SHISA9: variants seen among roughly 807,000 people sequenced by gnomAD.
The protein encoded by SHISA9 is protein shisa-9.
A neutral mutation model predicts 38.0 loss-of-function variants in SHISA9; 13 were observed. The ratio of observed to expected loss-of-function variants is 0.34; its 90% CI spans 0.22 to 0.54. The LOEUF (loss-of-function observed/expected upper bound fraction) is 0.54. Ranked by LOEUF, SHISA9 falls within the 20% of genes least tolerant of loss-of-function variation. The pLI is 0.91. For missense variants in SHISA9, 538 were observed against 575.8 expected (o/e 0.93, Z 0.67); for synonymous variants, 275 against 242.0 (o/e 1.14, Z -1.27).
At chr16:13,250,527 A>G in the SHISA9 span, among the ~76,000 whole-genome samples, 1 of 152,146 alleles carries the variant, frequency 6.6e-6, no homozygotes, top group Non-Finnish European at 1.5e-5. Flanking sequence ...TCCATATGAT[A>G]TAGAGGTTGC....
At chr16:13,339,319 G>A in the SHISA9 span, among the ~76,000 whole-genome samples, 83 of 152,242 alleles carry the variant, frequency 5.5e-4, no homozygotes, top group Non-Finnish European at 1.0e-3. Flanking sequence ...CATGCAAGAA[G>A]CACTGAAATG....
intron 2 of SHISA9, among the ~76,000 whole-genome samples, chr16:13,151,589 T>C (rs907203753): frequency 3.3e-5 from 5 of 152,196 alleles, no homozygotes; most frequent in Admixed American, 3.3e-4. Context: ...AGTAACTATC[T>C]CTACTCTTGT....
At chr16:13,416,867 G>C in the SHISA9 span, among the ~76,000 whole-genome samples, 1 of 150,498 alleles carries the variant, frequency 6.6e-6, no homozygotes, top group Non-Finnish European at 1.5e-5. Flanking sequence ...AAGGGAGGGA[G>C]GGAAATGAAG....
the SHISA9 span, among the ~76,000 whole-genome samples, chr16:13,345,644 A>G: frequency 6.6e-6 from 1 of 152,148 alleles, no homozygotes; most frequent in Non-Finnish European, 1.5e-5. Context: ...GTCGAATAGT[A>G]TTTCTATCTT....
the SHISA9 span, among the ~76,000 whole-genome samples, chr16:13,558,630 C>A: frequency 6.6e-6 from 1 of 152,194 alleles, no homozygotes; most frequent in Non-Finnish European, 1.5e-5. Context: ...AACACTTATC[C>A]AACACATGTA....
At chr16:13,064,626 A>C (rs548293196) in intron 2 of SHISA9, among the ~76,000 whole-genome samples, 1 of 152,300 alleles carries the variant, frequency 6.6e-6, no homozygotes, top group East Asian at 1.9e-4. Context: ...CTAGTAGCCA[A>C]TAACGGAAGT....
intron 2 of SHISA9, among the ~76,000 whole-genome samples, chr16:12,958,129 A>G (rs2071861119): frequency 6.6e-6 from 1 of 152,208 alleles, no homozygotes; most frequent in African/African-American, 2.4e-5. Context: ...TTTTGCCCAA[A>G]TGGGCCCCGA....
intron 2 of SHISA9, among the ~76,000 whole-genome samples, chr16:13,031,584 G>A (rs1455816936): frequency 1.3e-5 from 2 of 152,128 alleles, no homozygotes; most frequent in South Asian, 2.1e-4. Context: ...TTCAGATGGA[G>A]CATGCCAGTA....
chr16:13,189,911 G>A (rs968010541), intron 2 of SHISA9, among the ~76,000 whole-genome samples: 2 of 152,112 alleles, frequency 1.3e-5, no homozygotes, highest in African/African-American at 4.8e-5. Flanking sequence ...AAGACTACAC[G>A]ATAGAAGGAA....
chr16:13,102,621 A>G (rs1435175151), intron 2 of SHISA9, among the ~76,000 whole-genome samples: 2 of 152,122 alleles, frequency 1.3e-5, no homozygotes, highest in Non-Finnish European at 2.9e-5. Context: ...CATTTCATCC[A>G]TGATGTCATA....
At chr16:13,255,240 C>T in the SHISA9 span, among the ~76,000 whole-genome samples, 1 of 151,990 alleles carries the variant, frequency 6.6e-6, no homozygotes. Flanking sequence ...AATTCTTCCC[C>T]TTTCTGTCTC....
the SHISA9 span, among the ~76,000 whole-genome samples, chr16:13,557,217 C>T: frequency 6.6e-6 from 1 of 152,208 alleles, no homozygotes; most frequent in South Asian, 2.1e-4. Context: ...GAATTCAAAT[C>T]TCTTGCACTC....
chr16:13,307,284 T>C, the SHISA9 span, among the ~76,000 whole-genome samples: 2 of 152,210 alleles, frequency 1.3e-5, no homozygotes, highest in African/African-American at 4.8e-5. Flanking sequence ...TAAATGTCAT[T>C]TATTTTTCAT....
chr16:13,181,681 A>G (rs776271323), intron 2 of SHISA9, among the ~76,000 whole-genome samples: 54 of 151,986 alleles, frequency 3.6e-4, no homozygotes, highest in Non-Finnish European at 7.4e-4. Flanking sequence ...ATGGATTGGA[A>G]GTGAGTGAGA....
the SHISA9 span, among the ~76,000 whole-genome samples, chr16:13,288,937 G>A: frequency 6.6e-6 from 1 of 152,136 alleles, no homozygotes; most frequent in Admixed American, 6.5e-5. Flanking sequence ...GAAAGTGAGG[G>A]AGTGAAGGCT....
intron 2 of SHISA9, among the ~76,000 whole-genome samples, chr16:13,050,735 A>T (rs2073241798): frequency 6.6e-6 from 1 of 152,216 alleles, no homozygotes; most frequent in Non-Finnish European, 1.5e-5. Context: ...TGGAAGAGTT[A>T]CCTGTCTCTC....
At chr16:13,241,512 A>T (rs1324881724), downstream of SHISA9, among the ~76,000 whole-genome samples, 2 of 152,146 alleles carry the variant, frequency 1.3e-5, no homozygotes. Context: ...ATCTCAAAAA[A>T]AGAGAAAAAG....
At chr16:13,093,229 A>G (rs185408786) in intron 2 of SHISA9, among the ~76,000 whole-genome samples, 1 of 152,284 alleles carries the variant, frequency 6.6e-6, no homozygotes, top group East Asian at 1.9e-4. Flanking sequence ...CTAGGGTGAC[A>G]AGATGACTTA....
intron 2 of SHISA9, among the ~76,000 whole-genome samples, chr16:13,024,873 G>T (rs1197384032): frequency 6.6e-6 from 1 of 152,126 alleles, no homozygotes; most frequent in African/African-American, 2.4e-5. Context: ...CTGCTTGCAT[G>T]AAAGTAGCCT....
Sources: allele counts gnomAD v4.1 joint callset (sites outside exome capture counted in the v4.1 genomes callset), GRCh38; gene constraint gnomAD v4.1.1; transcripts MANE v1.5; gene names NCBI Gene and HGNC (gene_info 2026-07-23, HGNC 2026-07-21).